COMT: variants seen among roughly 807,000 people sequenced by gnomAD.
COMT encodes the protein catechol-O-methyltransferase.
A neutral mutation model predicts 18.9 loss-of-function variants in COMT; 13 were observed. The observed-to-expected ratio is 0.69, with a 90% CI of 0.45 to 1.09. COMT has a LOEUF of 1.09. COMT is among the 50% of genes least tolerant of loss of function. The pLI, the probability that COMT is intolerant of heterozygous loss-of-function variation, is 0.00. For missense variants in COMT, 329 were observed against 361.8 expected, an observed-to-expected ratio of 0.91 and a Z score of 0.73; for synonymous variants, 150 against 160.9, an observed-to-expected ratio of 0.93 and a Z score of 0.51.
Position 19,945,875 on chromosome 22 carries a change from A to C in COMT, c.-92+3978A>C, listed in dbSNP as rs1400893921. On this transcript the variant is annotated intron_variant, in intron 1 of 5. Coordinates refer to ENST00000361682, the MANE Select transcript of COMT (RefSeq NM_000754.4). Reference sequence around the variant, plus strand: ...AGAGATGGGGTTTCACTGTGTTAGCAAGGATGGTCTCGCTCTCCAGACCTC... The same window carrying C: ...AGAGATGGGGTTTCACTGTGTTAGCCAGGATGGTCTCGCTCTCCAGACCTC... Among the ~76,000 whole-genome samples the C allele has an allele frequency of 3.3e-5, 5 of 152,124 alleles. 1 individual carries two copies. Among genetic ancestry groups the C allele is most frequent in the South Asian group, 2.1e-4 (1 of 4,816 alleles).
chr22:19,954,277 CG>C (rs1305591091), intron 1 of COMT, among the ~76,000 whole-genome samples: 1 of 151,040 alleles, frequency 6.6e-6, no homozygotes, highest in Non-Finnish European at 1.5e-5. Context: ...GGATACCAGG[CG>C]GGGGAGGCTA....
At chr22:19,959,407 G>A (rs1203791992) in intron 1 of COMT, among the ~76,000 whole-genome samples, 1 of 152,276 alleles carries the variant, frequency 6.6e-6, no homozygotes, top group Non-Finnish European at 1.5e-5. Flanking sequence ...TCCGTGGCTG[G>A]GTGGGCGTGG....
chr22:19,958,662 T>G (rs1393249697), intron 1 of COMT, among the ~76,000 whole-genome samples: 1 of 146,668 alleles, frequency 6.8e-6, no homozygotes, highest in East Asian at 2.0e-4. Context: ...GGTGGAGCAC[T>G]TGAGCTCAGG....
chr22:19,968,786 A>G lies in COMT; in HGVS notation c.*50A>G. On this transcript the variant is annotated 3_prime_UTR_variant, in exon 6 of 6. Transcript: ENST00000361682. ...GCTCTCTCACCCAGCCTGGTACTGA[A>G]GGTGCCAGACGTGCTCCTGCTGACC... The G allele has an allele frequency of 6.4e-7, 1 of 1,555,076 alleles. No individual in the cohort carries two copies. Among genetic ancestry groups the G allele is most frequent in the Non-Finnish European group, 8.7e-7 (1 of 1,142,952 alleles).
intron 1 of COMT, among the ~76,000 whole-genome samples, chr22:19,960,511 C>T (rs1366168192): frequency 6.6e-6 from 1 of 152,220 alleles, no homozygotes. Context: ...AGCACCATCT[C>T]TTGTTTTTTC....
At chr22:19,946,592 G>A (rs1006374628) in intron 1 of COMT, among the ~76,000 whole-genome samples, 2 of 152,160 alleles carry the variant, frequency 1.3e-5, no homozygotes, top group Non-Finnish European at 2.9e-5. Context: ...TTGCCCTGTA[G>A]CTGATTGCAA....
At chr22:19,956,777 T>TAA (rs1942073629) in intron 1 of COMT, among the ~76,000 whole-genome samples, 2 of 151,946 alleles carry the variant, frequency 1.3e-5, no homozygotes, top group East Asian at 3.9e-4. Context: ...GGTCTTACTA[T>TAA]GTTGCCCAGA....
At chr22:19,966,679 G>A (rs752662138) in intron 5 of COMT, among the ~76,000 whole-genome samples, 19 of 152,054 alleles carry the variant, frequency 1.2e-4, no homozygotes, top group African/African-American at 3.4e-4. Flanking sequence ...GGCCTCAAGC[G>A]ATCCTCTTGC....
chr22:19,963,393 A>G, intron 3 of COMT, 173 bp from the exon 4 acceptor site: 1 of 713,400 alleles, frequency 1.4e-6, no homozygotes, highest in Non-Finnish European at 2.4e-6. Context: ...TGGGGACACC[A>G]GGGAGGTGAA....
intron 2 of COMT, 149 bp from the exon 3 acceptor site, chr22:19,962,378 C>T (rs1416986247): frequency 1.2e-5 from 17 of 1,400,136 alleles, no homozygotes; most frequent in East Asian, 2.5e-5. Flanking sequence ...GGCGCTGACA[C>T]GTCAGGCAAC....
chr22:19,949,271 G>A (rs946637237), intron 1 of COMT, among the ~76,000 whole-genome samples: 3 of 151,910 alleles, frequency 2.0e-5, no homozygotes, highest in Non-Finnish European at 2.9e-5. Flanking sequence ...CAAGTAGCTG[G>A]GACTACAGGC....
intron 1 of COMT, among the ~76,000 whole-genome samples, chr22:19,960,314 G>C (rs1014732625): frequency 6.6e-6 from 1 of 152,222 alleles, no homozygotes; most frequent in African/African-American, 2.4e-5. Context: ...AATACTAGTA[G>C]TCATTATAGA....
At chr22:19,953,113 G>T (rs1207317171) in intron 1 of COMT, among the ~76,000 whole-genome samples, 1 of 152,152 alleles carries the variant, frequency 6.6e-6, no homozygotes, top group African/African-American at 2.4e-5. Context: ...GTGTGATGGG[G>T]GAGTCTTTGT....
rs1033765654 is a variant in COMT at position 19,961,221 on chromosome 22, G to A, written c.-69G>A. The A allele has an allele frequency of 6.6e-6, 1 of 152,292 alleles. No homozygotes were observed. The highest frequency in any genetic ancestry group is 2.4e-5 in the African/African-American group (1 of 41,476). 9.4% of individuals were successfully genotyped at this position (152,292 alleles called of 1,614,324 possible). A position where few individuals can be genotyped will look rare whatever the true frequency, so the allele number is the denominator to read the frequency against. On this transcript the variant is annotated 5_prime_UTR_variant, in exon 2 of 6. Transcript: ENST00000361682. ...CAGAAATAACATCTGCTTTGCTGCC[G>A]AGCTCAGAGGAGACCCCAGACCCCT...
rs1429174414 is a variant in COMT, at chr22:19,941,793, A to T, written c.-196A>T. ...TCCTAATCCCCGCAGCGCCACCGCC[A>T]TTGCCGCCATCGTCGTGGGGCTTCT... On this transcript the variant is annotated 5_prime_UTR_variant, in exon 1 of 6. Coordinates refer to ENST00000361682, the MANE Select transcript of COMT (RefSeq NM_000754.4). 6.5e-7 allele frequency: 1 copy of T among 1,528,658 alleles called. No homozygotes were observed. The highest frequency in any genetic ancestry group is 1.9e-5 in the Admixed American group (1 of 53,106). The allele number at this position is 1,528,658 out of a possible 1,614,324, so 94.7% of individuals were successfully genotyped here. A position where few individuals can be genotyped will look rare whatever the true frequency, so the allele number is the denominator to read the frequency against.
intron 1 of COMT, among the ~76,000 whole-genome samples, chr22:19,943,376 AG>A (rs1941777857): frequency 6.6e-6 from 1 of 152,232 alleles, no homozygotes; most frequent in Non-Finnish European, 1.5e-5. Flanking sequence ...GGCCAGGCAC[AG>A]TGGCTCATGT....
At chr22:19,942,798 G>A (rs1470954956) in intron 1 of COMT, among the ~76,000 whole-genome samples, 1 of 152,190 alleles carries the variant, frequency 6.6e-6, no homozygotes, top group Non-Finnish European at 1.5e-5. Flanking sequence ...GGAGAGTGAG[G>A]GAGTGGGAAG....
chr22:19,957,804 G>A (rs71312727), intron 1 of COMT, among the ~76,000 whole-genome samples: 3 of 152,316 alleles, frequency 2.0e-5, no homozygotes, highest in Non-Finnish European at 4.4e-5. Flanking sequence ...TCATGAGCTT[G>A]CGAGCCGATG....
At chr22:19,951,406 T>C (rs1398554407) in intron 1 of COMT, 1 of 149,926 alleles carries the variant, frequency 6.7e-6, no homozygotes, top group African/African-American at 2.4e-5. Context: ...CTCAGAGCCT[T>C]ACTCAGAATC....
Sources: allele counts gnomAD v4.1 joint callset (sites outside exome capture counted in the v4.1 genomes callset), GRCh38; gene constraint gnomAD v4.1.1; transcripts MANE v1.5; gene names NCBI Gene and HGNC (gene_info 2026-07-23, HGNC 2026-07-21).